CACNA2D3: variants seen among roughly 807,000 people sequenced by gnomAD.
CACNA2D3 encodes the protein calcium voltage-gated channel auxiliary subunit alpha2delta 3.
A neutral mutation model predicts 160.6 loss-of-function variants in CACNA2D3; 60 were observed. That is an observed-to-expected ratio of 0.37 (90% CI 0.30 to 0.46). The LOEUF is 0.46. Among genes scored for constraint, CACNA2D3 ranks in the 20% least tolerant of loss-of-function variants. CACNA2D3 has a pLI of 1.00. For missense variants in CACNA2D3, 1,205 were observed against 1,365.0 expected, an observed-to-expected ratio of 0.88 and a Z score of 1.85; for synonymous variants, 558 against 492.9, an observed-to-expected ratio of 1.13 and a Z score of -1.75.
At chr3:54,735,026 G>A (rs949821017) in intron 11 of CACNA2D3, among the ~76,000 whole-genome samples, 4 of 152,198 alleles carry the variant, frequency 2.6e-5, no homozygotes, top group East Asian at 3.9e-4. Context: ...CTGCCCTAGC[G>A]TGGAGACAGG....
chr3:54,431,643 C>T (rs1025540533), intron 4 of CACNA2D3, among the ~76,000 whole-genome samples: 5 of 152,192 alleles, frequency 3.3e-5, no homozygotes, highest in East Asian at 1.9e-4. Flanking sequence ...TAGACAGTCT[C>T]GCTGTGTTGC....
At chr3:54,973,797 A>G (rs2203527) in intron 29 of CACNA2D3, among the ~76,000 whole-genome samples, 79,824 of 152,040 alleles carry the variant, frequency 0.53, 21,216 homozygotes, top group East Asian at 0.68. Context: ...TGATATGATC[A>G]TTAGTTAATG....
At chr3:54,493,486 C>T (rs1250048668) in intron 4 of CACNA2D3, among the ~76,000 whole-genome samples, 2 of 152,176 alleles carry the variant, frequency 1.3e-5, no homozygotes, top group East Asian at 3.9e-4. Flanking sequence ...TCTGCCCTGG[C>T]CCCCACCTGT....
At chr3:54,936,698 G>T (rs569470406) in intron 27 of CACNA2D3, among the ~76,000 whole-genome samples, 2 of 152,018 alleles carry the variant, frequency 1.3e-5, no homozygotes, top group Admixed American at 6.6e-5. Flanking sequence ...TCAGCCCGTC[G>T]CTAGTAGGAG....
intron 35 of CACNA2D3, among the ~76,000 whole-genome samples, chr3:55,039,115 G>A (rs768549765): frequency 1.3e-5 from 2 of 151,790 alleles, no homozygotes; most frequent in African/African-American, 4.8e-5. Flanking sequence ...GATCATTCTA[G>A]CATCTTCGCA....
intron 11 of CACNA2D3, among the ~76,000 whole-genome samples, chr3:54,651,838 G>C (rs1219724383): frequency 1.3e-5 from 2 of 152,146 alleles, no homozygotes; most frequent in Non-Finnish European, 2.9e-5. Flanking sequence ...TGATAGTTCT[G>C]TGGGGCATGT....
chr3:54,648,480 A>G (rs1489252333), intron 11 of CACNA2D3, among the ~76,000 whole-genome samples: 2 of 152,228 alleles, frequency 1.3e-5, no homozygotes. Context: ...CCTTTTAAAA[A>G]TTTAGACCAA....
intron 2 of CACNA2D3, among the ~76,000 whole-genome samples, chr3:54,277,369 A>T (rs1002767206): frequency 2.6e-5 from 4 of 152,172 alleles, no homozygotes; most frequent in Non-Finnish European, 5.9e-5. Context: ...TCCCAACACC[A>T]TTTATTAAAT....
chr3:54,899,899 A>G, intron 27 of CACNA2D3, 31 bp downstream of exon 27: 1 of 1,472,172 alleles, frequency 6.8e-7, no homozygotes, highest in Non-Finnish European at 9.4e-7. Context: ...ATGAAGACAA[A>G]GTAAGCATGG....
intron 11 of CACNA2D3, among the ~76,000 whole-genome samples, chr3:54,656,226 A>G (rs838017): frequency 0.93 from 141,396 of 152,296 alleles, 65,923 homozygotes; most frequent in Non-Finnish European, 0.95. Flanking sequence ...GTATGGCCTG[A>G]TGATTGGTTT....
intron 8 of CACNA2D3, among the ~76,000 whole-genome samples, chr3:54,581,434 T>C (rs1404408939): frequency 6.6e-6 from 1 of 152,158 alleles, no homozygotes; most frequent in Non-Finnish European, 1.5e-5. Context: ...GCTGGAGCTG[T>C]ATCCACGCAA....
chr3:54,620,409 C>G (rs1306093642), intron 9 of CACNA2D3, among the ~76,000 whole-genome samples: 1 of 152,160 alleles, frequency 6.6e-6, no homozygotes, highest in Non-Finnish European at 1.5e-5. Flanking sequence ...AGCAGCACAC[C>G]AGAATTCTGT....
chr3:54,885,196 G>A (rs1699893435), intron 21 of CACNA2D3, 85 bp from the exon 22 acceptor site: 8 of 1,441,092 alleles, frequency 5.6e-6, no homozygotes, highest in South Asian at 3.5e-5. Context: ...AACCCACCCC[G>A]CAGCCCTACC....
rs561740682 is a variant in CACNA2D3, at chr3:54,817,744, C to T, written c.1398+874C>T. ...GAGAGCACAACTGCTCTACTAAAGA[C>T]AGTCTGTTCAGACCATATGGACAAC... On this transcript the variant is annotated intron_variant, in intron 14 of 37. Coordinates refer to ENST00000474759, the MANE Select transcript of CACNA2D3 (RefSeq NM_018398.3). Among the ~76,000 whole-genome samples the T allele has an allele frequency of 1.2e-4, 19 of 152,312 alleles. No homozygotes were observed. In the South Asian group the frequency reaches 3.7e-3, roughly 30 times the overall value.
intron 11 of CACNA2D3, among the ~76,000 whole-genome samples, chr3:54,744,219 A>G (rs1247254728): frequency 6.6e-6 from 1 of 152,236 alleles, no homozygotes; most frequent in African/African-American, 2.4e-5. Flanking sequence ...AAATGACCAA[A>G]TGAACTTTCT....
chr3:54,484,846 ATTT>A (rs368714812), intron 4 of CACNA2D3, among the ~76,000 whole-genome samples: 16 of 143,930 alleles, frequency 1.1e-4, no homozygotes, highest in South Asian at 2.2e-4. Flanking sequence ...TAGGTAGATA[ATTT>A]TTTTTTTTTT....
intron 5 of CACNA2D3, among the ~76,000 whole-genome samples, chr3:54,516,071 T>C (rs1389987371): frequency 6.6e-6 from 1 of 152,136 alleles, no homozygotes; most frequent in Non-Finnish European, 1.5e-5. Context: ...ACATGTGTCA[T>C]TGGGGGTTTG....
chr3:54,678,375 G>C (rs963639178), intron 11 of CACNA2D3, among the ~76,000 whole-genome samples: 2 of 152,076 alleles, frequency 1.3e-5, no homozygotes, highest in Non-Finnish European at 2.9e-5. Flanking sequence ...AAGATTGGGC[G>C]TAGAGGAAAT....
intron 27 of CACNA2D3, among the ~76,000 whole-genome samples, chr3:54,920,411 C>T (rs1700808590): frequency 8.3e-6 from 1 of 119,866 alleles, no homozygotes; most frequent in African/African-American, 3.2e-5. Context: ...GAATCACCCA[C>T]CACCAGAGTG....
Sources: gnomAD v4.1 joint callset for allele counts (sites outside exome capture counted in the v4.1 genomes callset) on GRCh38, gnomAD v4.1.1 for gene constraint, MANE v1.5 for transcripts, NCBI Gene and HGNC (gene_info 2026-07-23, HGNC 2026-07-21) for gene names.